CRTC1: variants seen among roughly 807,000 people sequenced by gnomAD.
CRTC1 encodes the protein CREB-regulated transcription coactivator 1.
Under a neutral mutation model 66.1 loss-of-function variants are expected in CRTC1, and 18 were observed. The ratio of observed to expected loss-of-function variants is 0.27; its 90% CI spans 0.19 to 0.40. The LOEUF (loss-of-function observed/expected upper bound fraction) is 0.40. Ranked by LOEUF, CRTC1 falls within the 10% of genes least tolerant of loss-of-function variation. The pLI, the probability that CRTC1 is intolerant of heterozygous loss-of-function variation, is 1.00. For synonymous variants in CRTC1, 416 were observed against 398.8 expected, an observed-to-expected ratio of 1.04 and a Z score of -0.51; for missense variants, 669 against 887.9, an observed-to-expected ratio of 0.75 and a Z score of 3.13.
At chr19:18,743,548 T>C (rs2054159216) in intron 2 of CRTC1, among the ~76,000 whole-genome samples, 1 of 151,964 alleles carries the variant, frequency 6.6e-6, no homozygotes, top group South Asian at 2.1e-4. Flanking sequence ...GAGATGGGGA[T>C]GGGGTGGGGC....
chr19:18,704,965 A>T (rs985730039), intron 1 of CRTC1, among the ~76,000 whole-genome samples: 12 of 135,052 alleles, frequency 8.9e-5, no homozygotes, highest in African/African-American at 3.3e-4. Context: ...GCCCCTGGCA[A>T]CCACCATCCT....
chr19:18,758,217 G>A (rs965128129), intron 6 of CRTC1, among the ~76,000 whole-genome samples: 3 of 151,082 alleles, frequency 2.0e-5, no homozygotes, highest in East Asian at 2.0e-4. Context: ...AAAATTAGCC[G>A]GGCTTGGTGG....
intron 5 of CRTC1, among the ~76,000 whole-genome samples, chr19:18,750,578 C>T (rs927413996): frequency 1.3e-5 from 2 of 152,244 alleles, no homozygotes; most frequent in Non-Finnish European, 2.9e-5. Context: ...GAGGCCAGCC[C>T]CAGGGAACCT....
rs2055104221 is a variant in CRTC1 at position 18,781,559 on chromosome 19, C to A, written c.*4177C>A. The A allele has an allele frequency of 4.4e-6, 1 of 229,502 alleles. No homozygotes were observed. Among genetic ancestry groups the A allele is most frequent in the African/African-American group, 2.2e-5 (1 of 45,064 alleles). 14.2% of individuals were successfully genotyped at this position (229,502 alleles called of 1,614,324 possible). On this transcript the variant is annotated 3_prime_UTR_variant, in exon 14 of 14. Coordinates refer to ENST00000321949, the MANE Select transcript of CRTC1 (RefSeq NM_015321.3). The stretch of plus-strand genomic sequence containing the variant: ...CCCCACTGGCCACAGACACCATTCT[C>A]CCCCTGGGAGCAGGAGGTGGAGTAA...
At chr19:18,770,426 C>T (rs564817267) in intron 10 of CRTC1, among the ~76,000 whole-genome samples, 120 of 152,372 alleles carry the variant, frequency 7.9e-4, no homozygotes, top group Non-Finnish European at 1.2e-3. Context: ...ATGGCCTTCA[C>T]TCAGTCCCCA....
At chr19:18,766,473 G>C (rs977800997) in intron 9 of CRTC1, among the ~76,000 whole-genome samples, 2 of 151,428 alleles carry the variant, frequency 1.3e-5, no homozygotes, top group Non-Finnish European at 1.5e-5. Context: ...TTGAGACAGA[G>C]TCTCGCTCTG....
intron 1 of CRTC1, among the ~76,000 whole-genome samples, chr19:18,731,329 G>A (rs1042261741): frequency 2.0e-5 from 3 of 152,128 alleles, no homozygotes; most frequent in African/African-American, 2.4e-5. Context: ...GTGGCCCAGC[G>A]ATCCTCGGCA....
chr19:18,719,774 G>A (rs574576092), intron 1 of CRTC1, among the ~76,000 whole-genome samples: 24 of 152,336 alleles, frequency 1.6e-4, no homozygotes, highest in Non-Finnish European at 2.6e-4. Context: ...CGGCTGACCC[G>A]GGGCGAGCAG....
Position 18,741,067 on chromosome 19 carries a change from C to T in CRTC1, c.127-1843C>T, listed in dbSNP as rs1370147865. On this transcript the variant is annotated intron_variant, in intron 1 of 13. Coordinates refer to ENST00000321949, the MANE Select transcript of CRTC1 (RefSeq NM_015321.3). This position sits in a 1 kb window ranked among gnomAD's most constrained non-coding sequence, Gnocchi z 4.2. ...AAGCAGAGTCCCCACTCAGTGTCCA[C>T]TCCTGGCCCAGGGGCTGTGCTCCGA... Among the ~76,000 whole-genome samples, 7 of 152,212 alleles carry T rather than the reference C, an allele frequency of 4.6e-5. No homozygotes were observed. Among genetic ancestry groups the T allele is most frequent in the African/African-American group, 1.4e-4 (6 of 41,452 alleles).
intron 1 of CRTC1, among the ~76,000 whole-genome samples, chr19:18,720,086 T>C (rs1313661668): frequency 6.6e-6 from 1 of 152,250 alleles, no homozygotes; most frequent in Admixed American, 6.5e-5. Context: ...AATAGACGTG[T>C]GCTTGCACAT....
At position 18,744,733 on chromosome 19, in the gene CRTC1, C is replaced by T. The variant is rs561993986; in HGVS notation, c.244-1090C>T. On this transcript the variant is annotated intron_variant, in intron 2 of 13. Transcript: ENST00000321949. Reference sequence around the variant, plus strand: ...TCCCACCCTCATCGTCACAGGCCCACGTCTCCCATGCCCACAGCCTTTTGG... The same window carrying T: ...TCCCACCCTCATCGTCACAGGCCCATGTCTCCCATGCCCACAGCCTTTTGG... Among the ~76,000 whole-genome samples, 8 of 152,250 alleles carry T rather than the reference C, an allele frequency of 5.3e-5. No homozygotes were observed. The East Asian group carries it at 9.7e-4, about 18-fold the overall frequency.
intron 5 of CRTC1, among the ~76,000 whole-genome samples, chr19:18,752,185 C>T (rs1162548151): frequency 6.6e-6 from 1 of 151,300 alleles, no homozygotes; most frequent in Non-Finnish European, 1.5e-5. Flanking sequence ...AAAATATACA[C>T]ACAAGCTAGG....
chr19:18,702,028 A>G (rs1237279406), intron 1 of CRTC1, among the ~76,000 whole-genome samples: 2 of 150,098 alleles, frequency 1.3e-5, no homozygotes, highest in Admixed American at 6.6e-5. Context: ...GGTTCAAGCA[A>G]TTCTCCTGTC....
At chr19:18,689,583 ATATG>A (rs74217964) in intron 1 of CRTC1, among the ~76,000 whole-genome samples, 5 of 65,736 alleles carry the variant, frequency 7.6e-5, no homozygotes, top group African/African-American at 4.8e-4. Flanking sequence ...ATATATATAT[ATATG>A]TAATATAACA....
rs886376218 is a variant in CRTC1 at position 18,777,182 on chromosome 19, T to C, written c.1705T>C (p.Ser569Pro). 1.4e-5 allele frequency: 15 copies of C among 1,088,722 alleles called. No individual in the cohort carries two copies. Among genetic ancestry groups the C allele is most frequent in the Middle Eastern group, 2.4e-4 (1 of 4,250 alleles). 67.4% of individuals were successfully genotyped at this position (1,088,722 alleles called of 1,614,324 possible). Residue 569 changes from serine to proline, a missense_variant, in exon 14 of 14, where the codon TCC becomes CCC. By Grantham distance (74) the Ser-to-Pro change is moderately conservative. Transcript: ENST00000321949. The surrounding 1 kb of genome is among the most constrained non-coding windows in gnomAD (Gnocchi z 5.5). Reference sequence around the variant, plus strand: ...ACCCCATCCCCCAGTGACAGGAGAGTCCCCCCCCAGCCTCTCTAAAGAACT... The same window carrying C: ...ACCCCATCCCCCAGTGACAGGAGAGCCCCCCCCCAGCCTCTCTAAAGAACT... The part of the protein sequence containing the change: ...PNIILTVTGE[S>P]PPSLSKELTS...
In CRTC1 at chr19:18,760,011, C is replaced by A. The variant is rs369230640; in HGVS notation, c.669C>A (p.Ile223=). 4 of 1,582,620 alleles carry A rather than the reference C, an allele frequency of 2.5e-6. No homozygotes were observed. In the African/African-American group the frequency reaches 4.0e-5, roughly 16 times the overall value. Residue 223 remains isoleucine, a synonymous_variant, in exon 8 of 14, where the codon ATC becomes ATA. Coordinates refer to ENST00000321949, the MANE Select transcript of CRTC1 (RefSeq NM_015321.3). This position sits in a 1 kb window ranked among gnomAD's most constrained non-coding sequence, Gnocchi z 6.2. ...PKSCEVPGIN[I]FPSADQENTT... ...CCTGCCTCTGGCCTTTTCCCAGCAT[C>A]TTCCCGTCTGCCGACCAGGAAAACA...
chr19:18,763,711 G>A lies in CRTC1; in HGVS notation c.887-1693G>A, dbSNP rs375633463. Reference sequence around the variant, plus strand: ...GGCCGATGTCTTGCACCTCGAGACGGGCCACAGTGCTCTGGTTTGCCTCAG... The same window carrying A: ...GGCCGATGTCTTGCACCTCGAGACGAGCCACAGTGCTCTGGTTTGCCTCAG... On this transcript the variant is annotated intron_variant, in intron 8 of 13. Transcript: ENST00000321949. 4.9e-4 allele frequency among the ~76,000 whole-genome samples: 74 copies of A among 152,316 alleles called. No individual in the cohort carries two copies. The East Asian group carries it at 0.013, about 26-fold the overall frequency.
chr19:18,710,615 A>T (rs890352954), intron 1 of CRTC1, among the ~76,000 whole-genome samples: 13 of 151,970 alleles, frequency 8.6e-5, no homozygotes, highest in Admixed American at 8.5e-4. Context: ...TTTATTTATT[A>T]TTTATTTATT....
intron 1 of CRTC1, among the ~76,000 whole-genome samples, chr19:18,690,554 C>T (rs2052804936): frequency 1.3e-5 from 2 of 152,208 alleles, no homozygotes; most frequent in Admixed American, 1.3e-4. Flanking sequence ...GAGCTGCATG[C>T]CCTGCAGCAG....
Sources: gnomAD v4.1 joint callset for allele counts (sites outside exome capture counted in the v4.1 genomes callset) on GRCh38, gnomAD v4.1.1 for gene constraint, Gnocchi (gnomAD v3.1) non-coding constraint, MANE v1.5 for transcripts, NCBI Gene and HGNC (gene_info 2026-07-23, HGNC 2026-07-21) for gene names.